DNAJC1: variants seen among roughly 807,000 people sequenced by gnomAD.
DNAJC1 encodes the protein dnaJ homolog subfamily C member 1.
In DNAJC1, 58 loss-of-function variants were observed where a neutral mutation model predicts 76.6. The observed-to-expected ratio is 0.76, with a 90% confidence interval of 0.61 to 0.94. The LOEUF is 0.94. Among genes scored for constraint, DNAJC1 ranks in the 40% least tolerant of loss-of-function variants. DNAJC1 has a pLI of 0.00. For missense variants in DNAJC1, 689 were observed against 677.3 expected (o/e 1.02, Z -0.19); for synonymous variants, 258 against 267.9 (o/e 0.96, Z 0.36).
chr10:21,996,534 C>T (rs925724307), intron 1 of DNAJC1, among the ~76,000 whole-genome samples: 8 of 152,140 alleles, frequency 5.3e-5, no homozygotes, highest in Admixed American at 1.3e-4. Context: ...ACCCATATAA[C>T]GTTTTAGAAT....
chr10:21,868,536 A>G (rs1452598135), intron 8 of DNAJC1, among the ~76,000 whole-genome samples: 1 of 152,104 alleles, frequency 6.6e-6, no homozygotes, highest in Admixed American at 6.5e-5. Context: ...GATGAATCTC[A>G]AGGGCATTAT....
chr10:21,875,534 A>G (rs1166990390), intron 8 of DNAJC1, among the ~76,000 whole-genome samples: 2 of 152,274 alleles, frequency 1.3e-5, no homozygotes, highest in African/African-American at 4.8e-5. Flanking sequence ...GGAATGAAAC[A>G]AGGATACTTG....
intron 1 of DNAJC1, among the ~76,000 whole-genome samples, chr10:21,968,610 A>G (rs1837927569): frequency 1.3e-5 from 2 of 150,930 alleles, no homozygotes; most frequent in Non-Finnish European, 2.9e-5. Flanking sequence ...TCCCAGGTTC[A>G]CGCCATTCTC....
chr10:21,838,472 G>C (rs1249984804), intron 8 of DNAJC1, among the ~76,000 whole-genome samples: 2 of 152,066 alleles, frequency 1.3e-5, no homozygotes, highest in African/African-American at 4.8e-5. Context: ...AGTACCCAGG[G>C]ACACAAACAC....
rs199877679 is a variant in DNAJC1 at position 21,756,568 on chromosome 10, A to AT, written c.*118dup. The AT allele has an allele frequency of 3.5e-3, 2,332 of 670,904 alleles. 18 individuals are homozygous for AT. Among genetic ancestry groups the AT allele is most frequent in the African/African-American group, 0.029 (1,583 of 54,966 alleles). The allele number at this position is 670,904 out of a possible 1,614,324, so 41.6% of individuals were successfully genotyped here. On this transcript the variant is annotated 3_prime_UTR_variant, in exon 12 of 12. Transcript: ENST00000376980. Reference sequence around the variant, plus strand: ...AACACTCATCTTTTATTTATTTATTATTTTTTTTTACTAAGGCACATGACG... The same window carrying AT: ...AACACTCATCTTTTATTTATTTATTATTTTTTTTTTACTAAGGCACATGACG...
At chr10:21,838,041 G>T (rs1421873330) in intron 8 of DNAJC1, among the ~76,000 whole-genome samples, 1 of 151,636 alleles carries the variant, frequency 6.6e-6, no homozygotes, top group East Asian at 2.0e-4. Context: ...CCCCGTCCGG[G>T]AGGTGGGGGG....
intron 8 of DNAJC1, among the ~76,000 whole-genome samples, chr10:21,858,992 T>C (rs912632989): frequency 1.2e-4 from 19 of 152,162 alleles, no homozygotes; most frequent in African/African-American, 4.6e-4. Flanking sequence ...AAAAAGTATA[T>C]CACCAACTTA....
chr10:21,942,406 T>G (rs1343052798), intron 1 of DNAJC1, among the ~76,000 whole-genome samples: 1 of 152,056 alleles, frequency 6.6e-6, no homozygotes, highest in Non-Finnish European at 1.5e-5. Context: ...TTTACCAGAG[T>G]TGACATAGTA....
intron 8 of DNAJC1, among the ~76,000 whole-genome samples, chr10:21,872,681 T>C: frequency 6.6e-6 from 1 of 152,092 alleles, no homozygotes; most frequent in Non-Finnish European, 1.5e-5. Flanking sequence ...GAAACATCAT[T>C]AAGCATATCA....
At chr10:21,836,470 C>T (rs904002554) in intron 8 of DNAJC1, among the ~76,000 whole-genome samples, 1 of 152,164 alleles carries the variant, frequency 6.6e-6, no homozygotes, top group Admixed American at 6.5e-5. Context: ...CTAATTCACA[C>T]ATAAAAATAT....
intron 1 of DNAJC1, among the ~76,000 whole-genome samples, chr10:21,989,597 C>T (rs573334138): frequency 2.3e-4 from 35 of 152,190 alleles, no homozygotes; most frequent in African/African-American, 8.0e-4. Flanking sequence ...TGGCAATCCA[C>T]CGCCTGTGGG....
chr10:21,762,909 G>C (rs1272331490), intron 10 of DNAJC1, among the ~76,000 whole-genome samples: 1 of 152,162 alleles, frequency 6.6e-6, no homozygotes, highest in African/African-American at 2.4e-5. Context: ...ACATAACAAA[G>C]AAAATACTTT....
At chr10:21,884,627 T>C (rs1836340205) in intron 7 of DNAJC1, among the ~76,000 whole-genome samples, 2 of 152,134 alleles carry the variant, frequency 1.3e-5, no homozygotes, top group South Asian at 4.1e-4. Flanking sequence ...TATTTCTTCA[T>C]AGAGAGATGA....
chr10:21,784,793 C>T (rs770247068), intron 9 of DNAJC1, among the ~76,000 whole-genome samples: 2 of 151,954 alleles, frequency 1.3e-5, no homozygotes, highest in Non-Finnish European at 1.5e-5. Context: ...AGCAAACTAT[C>T]GCAAGGACAG....
chr10:21,763,819 A>G (rs1393158279), intron 10 of DNAJC1, among the ~76,000 whole-genome samples: 1 of 152,170 alleles, frequency 6.6e-6, no homozygotes. Context: ...GAGTGAAAGA[A>G]CATGGGATGA....
At chr10:21,884,525 A>C (rs1007940977) in intron 7 of DNAJC1, among the ~76,000 whole-genome samples, 37 of 152,152 alleles carry the variant, frequency 2.4e-4, no homozygotes, top group African/African-American at 8.2e-4. Context: ...TAACATATAC[A>C]GCCTTTTCCC....
chr10:21,759,509 C>A lies in DNAJC1; in HGVS notation c.1257G>T (p.Gly419=). 2 of 1,614,196 alleles carry A rather than the reference C, an allele frequency of 1.2e-6. No individual in the cohort carries two copies. Among genetic ancestry groups the A allele is most frequent in the African/African-American group, 1.3e-5 (1 of 75,054 alleles). Residue 419 remains glycine (G), a synonymous_variant, in exon 11 of 12, where the codon GGG becomes GGT. Transcript: ENST00000376980. ...CCTCCTGCTCCTCCTCCGCTGCCACCCCCTCTGCGTCCTCTCGCTGGGTGA... is the reference window on the plus strand; with the variant it reads ...CCTCCTGCTCCTCCTCCGCTGCCACACCCTCTGCGTCCTCTCGCTGGGTGA... ...DMITQREDAE[G]VAAEEEQEGD...
At chr10:21,899,430 G>C (rs542231348) in intron 7 of DNAJC1, among the ~76,000 whole-genome samples, 6 of 152,228 alleles carry the variant, frequency 3.9e-5, no homozygotes, top group Admixed American at 3.3e-4. Flanking sequence ...ACAGGCTGGA[G>C]TCTACCTGAG....
chr10:21,909,488 A>C (rs773217284), intron 6 of DNAJC1, among the ~76,000 whole-genome samples: 88 of 152,252 alleles, frequency 5.8e-4, no homozygotes, highest in Non-Finnish European at 1.2e-3. Context: ...GGAATATAGA[A>C]TATAAGCTCT....
Sources: allele counts gnomAD v4.1 joint callset (sites outside exome capture counted in the v4.1 genomes callset), GRCh38; gene constraint gnomAD v4.1.1; transcripts MANE v1.5; gene names NCBI Gene and HGNC (gene_info 2026-07-23, HGNC 2026-07-21).